The following RTN2 variants were observed in gnomAD, a reference collection of about 807,000 sequenced individuals.
The protein encoded by RTN2 is reticulon-2.
A neutral mutation model predicts 63.7 loss-of-function variants in RTN2; 36 were observed. The ratio of observed to expected loss-of-function variants is 0.56; its 90% CI spans 0.43 to 0.75. The LOEUF (loss-of-function observed/expected upper bound fraction) is 0.75, where lower values mean the gene tolerates loss of function less well. Ranked by LOEUF, RTN2 falls within the 30% of genes least tolerant of loss-of-function variation. The probability of loss-of-function intolerance (pLI) is 0.00; values close to 1 mark genes in which losing one functional copy is unlikely to be tolerated. For synonymous variants in RTN2, 312 were observed against 313.0 expected, an observed-to-expected ratio of 1.00 and a Z score of 0.03; for missense variants, 673 against 705.1, an observed-to-expected ratio of 0.95 and a Z score of 0.52.
At chr19:45,489,151 G>T in intron 6 of RTN2, 165 bp from the exon 7 acceptor site, 2 of 908,824 alleles carry the variant, frequency 2.2e-6, no homozygotes, top group Non-Finnish European at 3.3e-6. Context: ...CAGGGTCAGG[G>T]TCAGGGGAAG....
At chr19:45,487,583 G>GTTTTTTTTTTT (rs4031036) in intron 9 of RTN2, among the ~76,000 whole-genome samples, 8 of 105,752 alleles carry the variant, frequency 7.6e-5, no homozygotes, top group African/African-American at 1.5e-4. Context: ...TTATTTTTTG[G>GTTTTTTTTTTT]TTTTTTTTTT....
At position 45,488,908 on chromosome 19, in the gene RTN2, G is replaced by C; in HGVS notation, c.1320C>G (p.Val440=). ...AGTGCCGCAGCTGCGTGGCCGCCGAGACCACGCGGGAGGTGATCTGGTGGG... is the reference window on the plus strand; with the variant it reads ...AGTGCCGCAGCTGCGTGGCCGCCGACACCACGCGGGAGGTGATCTGGTGGG... ...RLSHQITSRV[V]SAATQLRHFF... Residue 440 remains valine (V), a synonymous_variant, in exon 7 of 11, where the codon GTC becomes GTG. Coordinates refer to ENST00000245923, the MANE Select transcript of RTN2 (RefSeq NM_005619.5). 6.2e-7 allele frequency: 1 copy of C among 1,609,264 alleles called. No individual in the cohort carries two copies. Among genetic ancestry groups the C allele is most frequent in the African/African-American group, 1.3e-5 (1 of 74,998 alleles).
At chr19:45,496,583 C>A (rs957291374) in intron 1 of RTN2, 2 of 382,284 alleles carry the variant, frequency 5.2e-6, no homozygotes, top group African/African-American at 2.1e-5. Context: ...GTCTCAGTGC[C>A]CCCTCACCTC....
intron 6 of RTN2, 73 bp downstream of exon 6, chr19:45,489,273 T>C (rs1203171609): frequency 7.1e-7 from 1 of 1,400,064 alleles, no homozygotes; most frequent in Admixed American, 2.0e-5. Flanking sequence ...TGGGAGTCGG[T>C]GCCTGATTTG....
chr19:45,495,430 T>C (rs757863580), intron 1 of RTN2, among the ~76,000 whole-genome samples: 1 of 152,124 alleles, frequency 6.6e-6, no homozygotes, highest in Non-Finnish European at 1.5e-5. Flanking sequence ...CTGTTCTAGG[T>C]CCTGGGGATA....
chr19:45,496,827 GC>G lies in RTN2; in HGVS notation c.-3del, dbSNP rs1968282949. 3.3e-6 allele frequency: 5 copies of G among 1,506,348 alleles called. No individual in the cohort carries two copies. The highest frequency in any genetic ancestry group is 2.7e-5 in the East Asian group (1 of 36,848). 93.3% of individuals were successfully genotyped at this position (1,506,348 alleles called of 1,614,324 possible). A position where few individuals can be genotyped will look rare whatever the true frequency, so the allele number is the denominator to read the frequency against. On this transcript the variant is annotated 5_prime_UTR_variant, in exon 1 of 11. Coordinates refer to ENST00000245923, the MANE Select transcript of RTN2 (RefSeq NM_005619.5). ...GAAGACCGGCAGGACCTGCCCCATGGCCCCCCTCGGGCCTGCATCGGGACCC... is the reference window on the plus strand; with the variant it reads ...GAAGACCGGCAGGACCTGCCCCATGGCCCCCTCGGGCCTGCATCGGGACCC...
Position 45,494,554 on chromosome 19 carries a change from G to T in RTN2, c.531C>A (p.Asn177Lys), listed in dbSNP as rs1200775093. Residue 177 changes from asparagine to lysine, a missense_variant, in exon 3 of 11, where the codon AAC (asparagine) becomes AAA (lysine). Physicochemically the swap from Asn to Lys is moderately conservative, Grantham distance 94. Coordinates refer to ENST00000245923, the MANE Select transcript of RTN2 (RefSeq NM_005619.5). The surrounding 1 kb of genome is among the most constrained non-coding windows in gnomAD (Gnocchi z 5.3). ...CCCCAGCTTCTCCTGTCTCCAATCT[G>T]TTGGGTTCTTGGGGTTCTTCGTCTT... ...PLEDEEPQEP[N>K]RLETGEAGEE... 1 of 1,614,094 alleles carries T rather than the reference G, an allele frequency of 6.2e-7. No individual in the cohort carries two copies. Among genetic ancestry groups the T allele is most frequent in the East Asian group, 2.2e-5 (1 of 44,880 alleles).
rs1031758105 is a variant in RTN2, at chr19:45,493,465, G to GT, written c.815-88dup. On this transcript the variant is annotated intron_variant, in intron 4 of 10. Transcript: ENST00000245923. ...GTCAGGAAAAAGAGGGTTTTTGTTT[G>GT]TTTTTTCAAATAGAGATCGAGTCTC... The GT allele has an allele frequency of 1.4e-5, 14 of 1,017,184 alleles. No homozygotes were observed. The African/African-American group carries it at 1.8e-4, about 13-fold the overall frequency. 63.0% of individuals were successfully genotyped at this position (1,017,184 alleles called of 1,614,324 possible).
intron 8 of RTN2, 21 bp downstream of exon 8, chr19:45,488,616 C>A: frequency 6.2e-7 from 1 of 1,613,850 alleles, no homozygotes; most frequent in South Asian, 1.1e-5. Context: ...CCATTTGCCC[C>A]TTACGGCCTT....
At chr19:45,485,894 C>G (rs1031616067) in intron 10 of RTN2, 105 bp from the exon 11 acceptor site, 2 of 1,172,334 alleles carry the variant, frequency 1.7e-6, no homozygotes, top group Non-Finnish European at 2.5e-6. Flanking sequence ...GAGCCCGAAG[C>G]CAGCTCCTGC....
At chr19:45,487,181 C>T (rs997320445) in intron 9 of RTN2, among the ~76,000 whole-genome samples, 5 of 151,448 alleles carry the variant, frequency 3.3e-5, no homozygotes, top group Non-Finnish European at 7.4e-5. Flanking sequence ...GTAACTGGGA[C>T]TATAGGTGTG....
chr19:45,488,806 G>T (rs1968085646), intron 7 of RTN2, 42 bp downstream of exon 7: 2 of 1,596,206 alleles, frequency 1.3e-6, no homozygotes, highest in Non-Finnish European at 1.7e-6. Flanking sequence ...CCATGCAGAG[G>T]TGAATGGGGG....
intron 1 of RTN2, 119 bp from the exon 2 acceptor site, chr19:45,495,258 CAG>C (rs1355111434): frequency 4.2e-6 from 5 of 1,190,562 alleles, no homozygotes; most frequent in Admixed American, 2.0e-5. Flanking sequence ...ATTCTGCACA[CAG>C]ACTCTAAAAC....
chr19:45,487,942 C>CAAA (rs1310199487), intron 9 of RTN2, among the ~76,000 whole-genome samples: 2 of 67,336 alleles, frequency 3.0e-5, no homozygotes, highest in African/African-American at 6.0e-5. Context: ...GACTCCATCT[C>CAAA]AAAAAAAAAA....
Position 45,488,988 on chromosome 19 carries a change from T to C in RTN2, c.1242-2A>G. The C allele has an allele frequency of 6.2e-7, 1 of 1,610,520 alleles. No homozygotes were observed. Among genetic ancestry groups the C allele is most frequent in the Non-Finnish European group, 8.5e-7 (1 of 1,178,648 alleles). ...GTGAGGTCCACATCCAGGTAGGCCC[T>C]GCGGGGACAAAGGAGTGTGGGGCGA... On this transcript the variant is annotated splice_acceptor_variant, in intron 6 of 10. Transcript: ENST00000245923. LOFTEE classifies it high-confidence loss of function.
intron 5 of RTN2, among the ~76,000 whole-genome samples, chr19:45,490,763 G>A (rs2122216645): frequency 6.6e-6 from 1 of 151,826 alleles, no homozygotes; most frequent in African/African-American, 2.4e-5. Context: ...TTTTGGTAGA[G>A]ATGGGGTTTC....
In RTN2 at chr19:45,488,489, C is replaced by G. The variant is rs1568621965; in HGVS notation, c.1479G>C (p.Leu493=). 2 of 1,613,896 alleles carry G rather than the reference C, an allele frequency of 1.2e-6. No homozygotes were observed. The part of the protein sequence containing the change: ...LGVIGLFTIP[L]LYRQHQAQID... Reference sequence around the variant, plus strand: ...CACTCACCTGGTGCTGCCGGTACAGCAGGGGGATGGTGAATAGACCAATCA... The same window carrying G: ...CACTCACCTGGTGCTGCCGGTACAGGAGGGGGATGGTGAATAGACCAATCA... The change falls in exon 9 of 11, where the codon CTG becomes CTC. Residue 493 remains leucine (L), a synonymous_variant. Coordinates refer to ENST00000245923, the MANE Select transcript of RTN2 (RefSeq NM_005619.5).
rs576506093 is a variant in RTN2, at chr19:45,488,902, C to T, written c.1326G>A (p.Ala442=). The part of the protein sequence containing the change: ...SHQITSRVVS[A]ATQLRHFFLV... ...GGAAGAAGTGCCGCAGCTGCGTGGC[C>T]GCCGAGACCACGCGGGAGGTGATCT... is the stretch of plus-strand genomic sequence containing the variant. Residue 442 remains alanine, a synonymous_variant, in exon 7 of 11, where the codon GCG becomes GCA. Transcript: ENST00000245923. 20 of 1,608,028 alleles carry T rather than the reference C, an allele frequency of 1.2e-5. No homozygotes were observed. In the South Asian group the frequency reaches 1.3e-4, roughly 11 times the overall value.
At chr19:45,489,955 G>C (rs1407093454) in intron 5 of RTN2, among the ~76,000 whole-genome samples, 1 of 151,926 alleles carries the variant, frequency 6.6e-6, no homozygotes, top group Non-Finnish European at 1.5e-5. Context: ...CCAAAGTGCT[G>C]GGATTATACG....
Sources: gnomAD v4.1 joint callset for allele counts (sites outside exome capture counted in the v4.1 genomes callset) on GRCh38, gnomAD v4.1.1 for gene constraint, Gnocchi (gnomAD v3.1) non-coding constraint, MANE v1.5 for transcripts, NCBI Gene and HGNC (gene_info 2026-07-23, HGNC 2026-07-21) for gene names.